ANK2: variants seen among roughly 807,000 people sequenced by gnomAD.
ANK2 encodes the protein ankyrin 2.
Under a neutral mutation model 360.5 loss-of-function variants are expected in ANK2, and 83 were observed. The ratio of observed to expected loss-of-function variants is 0.23; its 90% CI spans 0.19 to 0.28. The LOEUF (loss-of-function observed/expected upper bound fraction) is 0.28. Among genes scored for constraint, ANK2 ranks in the 10% least tolerant of loss-of-function variants. ANK2 has a pLI of 1.00. For missense variants in ANK2, 4,201 were observed against 4,795.7 expected (o/e 0.88, Z 3.66); for synonymous variants, 1,740 against 1,759.5 (o/e 0.99, Z 0.28).
intron 43 of ANK2, among the ~76,000 whole-genome samples, chr4:113,372,195 T>C (rs1007002341): frequency 2.0e-5 from 3 of 152,184 alleles, no homozygotes; most frequent in African/African-American, 7.2e-5. Context: ...TTAGGGTCTA[T>C]GTTTACAGTC....
chr4:113,335,871 A>G lies in ANK2; in HGVS notation c.3405A>G (p.Glu1135=), dbSNP rs2093462891. 3.7e-6 allele frequency: 6 copies of G among 1,614,236 alleles called. No homozygotes were observed. Among genetic ancestry groups the G allele is most frequent in the Non-Finnish European group, 5.1e-6 (6 of 1,180,036 alleles). The change falls in exon 30 of 46, where the codon GAA becomes GAG. Residue 1135 remains glutamate, a synonymous_variant. Transcript: ENST00000357077. ...TACTGGATAGCCCAGAAGACCTAGAAAAGAAACGAATCTGCCGCATCATCA... is the reference window on the plus strand; with the variant it reads ...TACTGGATAGCCCAGAAGACCTAGAGAAGAAACGAATCTGCCGCATCATCA... The part of the protein sequence containing the change: ...DEVLDSPEDL[E]KKRICRIITR...
chr4:112,805,142 C>G, the ANK2 span, among the ~76,000 whole-genome samples: 2 of 152,022 alleles, frequency 1.3e-5, no homozygotes, highest in African/African-American at 4.8e-5. Flanking sequence ...GCGAAGTAGC[C>G]ACGGAAAGGA....
At chr4:113,338,008 A>G (rs2093771805) in intron 31 of ANK2, among the ~76,000 whole-genome samples, 1 of 152,238 alleles carries the variant, frequency 6.6e-6, no homozygotes, top group Non-Finnish European at 1.5e-5. Context: ...GTCTTTAGAC[A>G]GGTTTCTCAT....
At chr4:112,758,750 T>C in the ANK2 span, among the ~76,000 whole-genome samples, 1 of 152,274 alleles carries the variant, frequency 6.6e-6, no homozygotes, top group East Asian at 1.9e-4. Context: ...CAAAACCCTT[T>C]GCCAAATACT....
At chr4:112,810,509 TTC>T in the ANK2 span, among the ~76,000 whole-genome samples, 1 of 152,156 alleles carries the variant, frequency 6.6e-6, no homozygotes, top group African/African-American at 2.4e-5. Context: ...TGGCTCATAT[TTC>T]TCTGTTAGTT....
intron 2 of ANK2, among the ~76,000 whole-genome samples, chr4:112,950,731 G>C (rs770677768): frequency 2.0e-5 from 3 of 151,822 alleles, no homozygotes; most frequent in Non-Finnish European, 2.9e-5. Context: ...CATTCTTGGA[G>C]GTAAAAATTA....
chr4:113,199,990 T>C (rs1247520318), intron 4 of ANK2, among the ~76,000 whole-genome samples: 1 of 152,212 alleles, frequency 6.6e-6, no homozygotes, highest in Non-Finnish European at 1.5e-5. Flanking sequence ...GCACAAGTTC[T>C]GGACCTAGAA....
intron 4 of ANK2, among the ~76,000 whole-genome samples, chr4:113,224,378 C>A (rs2099189333): frequency 6.6e-6 from 1 of 152,172 alleles, no homozygotes; most frequent in Non-Finnish European, 1.5e-5. Context: ...GAGAGAGTAA[C>A]ACTTATGTCG....
intron 43 of ANK2, 84 bp from the exon 44 acceptor site, chr4:113,373,006 A>T: frequency 8.6e-7 from 1 of 1,164,792 alleles, no homozygotes; most frequent in Non-Finnish European, 1.3e-6. Flanking sequence ...ATTTTCTAAC[A>T]TTCCTCACAT....
the ANK2 span, among the ~76,000 whole-genome samples, chr4:112,710,131 T>C: frequency 3.3e-5 from 5 of 152,144 alleles, 1 homozygote; most frequent in Admixed American, 3.3e-4. Flanking sequence ...CAAGAAAACG[T>C]GGGTTTAGAG....
upstream of ANK2, among the ~76,000 whole-genome samples, chr4:113,046,253 G>A (rs2064351033): frequency 6.6e-6 from 1 of 152,086 alleles, no homozygotes; most frequent in East Asian, 1.9e-4. Context: ...CTACTGGCTG[G>A]GATTTTCATT....
At chr4:112,783,685 T>C in the ANK2 span, among the ~76,000 whole-genome samples, 1 of 149,666 alleles carries the variant, frequency 6.7e-6, no homozygotes, top group Admixed American at 6.7e-5. Context: ...AGAGTCTCGC[T>C]CTGTCACCCA....
At chr4:113,025,415 C>T (rs2059070387) in intron 2 of ANK2, among the ~76,000 whole-genome samples, 1 of 152,186 alleles carries the variant, frequency 6.6e-6, no homozygotes, top group African/African-American at 2.4e-5. Context: ...CCTCCACACA[C>T]ATTTATTTTG....
chr4:112,982,753 TAGTCAA>T (rs537757791), intron 2 of ANK2, among the ~76,000 whole-genome samples: 223 of 152,250 alleles, frequency 1.5e-3, no homozygotes, highest in African/African-American at 5.0e-3. Flanking sequence ...ACATAAAAAC[TAGTCAA>T]AGTCAAAATT....
chr4:112,992,833 C>T (rs767209756), intron 2 of ANK2, among the ~76,000 whole-genome samples: 25 of 152,138 alleles, frequency 1.6e-4, no homozygotes, highest in Non-Finnish European at 3.4e-4. Flanking sequence ...ACAGTTCAGT[C>T]CATACCAAGC....
chr4:112,760,663 G>A, the ANK2 span, among the ~76,000 whole-genome samples: 1 of 151,744 alleles, frequency 6.6e-6, no homozygotes, highest in Non-Finnish European at 1.5e-5. Flanking sequence ...TTTAGCATTA[G>A]GTATATCTCC....
Position 113,332,019 on chromosome 4 carries a change from G to A in ANK2, c.3173G>A (p.Ser1058Asn). The change falls in exon 28 of 46, where the codon AGT (serine) becomes AAT (asparagine). Residue 1058 changes from serine to asparagine, a missense_variant. By Grantham distance (46) the Ser-to-Asn change is conservative. Transcript: ENST00000357077. ...CCTCCCCCACTTAATGAGGGAGAAA[G>A]TTTGGTCAGCCGCATTCTTCAGCTG... ...TAPPPLNEGE[S>N]LVSRILQLGP... The A allele has an allele frequency of 6.2e-7, 1 of 1,614,172 alleles. No individual in the cohort carries two copies. Among genetic ancestry groups the A allele is most frequent in the Non-Finnish European group, 8.5e-7 (1 of 1,180,028 alleles).
At chr4:113,218,451 C>CAA (rs36042626) in intron 4 of ANK2, among the ~76,000 whole-genome samples, 1,504 of 134,442 alleles carry the variant, frequency 0.011, 14 homozygotes, top group Middle Eastern at 0.02. Flanking sequence ...ATTAAATGAC[C>CAA]AAAAAAAAAA....
chr4:112,877,148 T>C (rs180952351), intron 1 of ANK2, among the ~76,000 whole-genome samples: 2 of 152,322 alleles, frequency 1.3e-5, no homozygotes, highest in Non-Finnish European at 1.5e-5. Context: ...TCATTCTTTG[T>C]CGTTGCTATT....
Sources: gnomAD v4.1 joint callset for allele counts (sites outside exome capture counted in the v4.1 genomes callset) on GRCh38, gnomAD v4.1.1 for gene constraint, MANE v1.5 for transcripts, NCBI Gene and HGNC (gene_info 2026-07-23, HGNC 2026-07-21) for gene names.